SPIDR: variants seen among roughly 807,000 people sequenced by gnomAD.
SPIDR encodes scaffold protein involved in DNA repair.
SPIDR carries 93 observed loss-of-function variants against 104.6 expected under a neutral mutation model. The ratio of observed to expected loss-of-function variants is 0.89; its 90% CI spans 0.75 to 1.06. The LOEUF is 1.06. Ranked by LOEUF, SPIDR falls within the 50% of genes least tolerant of loss-of-function variation. SPIDR has a pLI of 0.00. For missense variants in SPIDR, 1,154 were observed against 1,111.2 expected (o/e 1.04, Z -0.55); for synonymous variants, 431 against 416.9 (o/e 1.03, Z -0.41).
intron 10 of SPIDR, among the ~76,000 whole-genome samples, chr8:47,613,285 A>G (rs889679872): frequency 6.6e-6 from 1 of 152,240 alleles, no homozygotes; most frequent in African/African-American, 2.4e-5. Context: ...TAAACTTAGG[A>G]TAATGTTTTC....
At chr8:47,543,284 C>T (rs1427885527) in intron 8 of SPIDR, among the ~76,000 whole-genome samples, 4 of 152,128 alleles carry the variant, frequency 2.6e-5, no homozygotes, top group Non-Finnish European at 5.9e-5. Flanking sequence ...TACATTGCCA[C>T]GAGTAATGTG....
At chr8:47,511,929 C>G (rs1564190176) in intron 8 of SPIDR, 2 of 793,194 alleles carry the variant, frequency 2.5e-6, no homozygotes, top group Non-Finnish European at 4.6e-6. Flanking sequence ...TAAAGGATGT[C>G]ACTCTATTAT....
chr8:47,617,771 A>G (rs1005120448), intron 10 of SPIDR, among the ~76,000 whole-genome samples: 1 of 152,192 alleles, frequency 6.6e-6, no homozygotes, highest in Non-Finnish European at 1.5e-5. Flanking sequence ...CACCTCCATA[A>G]TAAGTTTTGT....
chr8:47,403,260 CA>C (rs781881236), intron 6 of SPIDR, among the ~76,000 whole-genome samples: 8 of 152,132 alleles, frequency 5.3e-5, no homozygotes, highest in Non-Finnish European at 1.2e-4. Flanking sequence ...ACTGAATGAG[CA>C]AAAACTGGAA....
chr8:47,360,335 T>C (rs2055596888), intron 5 of SPIDR, among the ~76,000 whole-genome samples: 1 of 150,464 alleles, frequency 6.6e-6, no homozygotes, highest in Admixed American at 6.6e-5. Context: ...GTCTAATTGC[T>C]GTGTGGTTAG....
chr8:47,401,293 G>C (rs1554662575), intron 6 of SPIDR, among the ~76,000 whole-genome samples: 1 of 152,158 alleles, frequency 6.6e-6, no homozygotes, highest in Admixed American at 6.5e-5. Flanking sequence ...GAGAGATTTT[G>C]TCACCACCAG....
At chr8:47,325,006 A>G (rs150757508) in intron 5 of SPIDR, among the ~76,000 whole-genome samples, 141 of 152,186 alleles carry the variant, frequency 9.3e-4, no homozygotes, top group African/African-American at 3.3e-3. Flanking sequence ...TGTCAGTCAG[A>G]TTGGATTAGG....
intron 8 of SPIDR, among the ~76,000 whole-genome samples, chr8:47,444,654 TC>T (rs782685765): frequency 3.3e-5 from 5 of 152,234 alleles, no homozygotes; most frequent in Non-Finnish European, 7.3e-5. Context: ...TCATTATACC[TC>T]CCTTCTGATT....
intron 8 of SPIDR, among the ~76,000 whole-genome samples, chr8:47,470,087 G>A (rs1389074442): frequency 6.6e-6 from 1 of 152,040 alleles, no homozygotes; most frequent in African/African-American, 2.4e-5. Flanking sequence ...CAGACCTCAA[G>A]TAGCCAAAAA....
chr8:47,481,201 G>A (rs1409445295), intron 8 of SPIDR, among the ~76,000 whole-genome samples: 7 of 152,226 alleles, frequency 4.6e-5, no homozygotes, highest in Admixed American at 2.0e-4. Flanking sequence ...GCTATAAGGT[G>A]TAATGGTCTT....
At chr8:47,609,035 T>G (rs1343666216) in intron 10 of SPIDR, among the ~76,000 whole-genome samples, 1 of 152,234 alleles carries the variant, frequency 6.6e-6, no homozygotes, top group Non-Finnish European at 1.5e-5. Flanking sequence ...CTGAGCATCT[T>G]TTCATAGGCT....
intron 8 of SPIDR, among the ~76,000 whole-genome samples, chr8:47,483,236 T>G (rs1312021701): frequency 1.3e-5 from 2 of 152,224 alleles, no homozygotes; most frequent in African/African-American, 2.4e-5. Flanking sequence ...TCTTTTATCT[T>G]GGGATAATTA....
rs1211040390 is a variant in SPIDR, at chr8:47,557,421, G to T, written c.1098-38390G>T. 2.0e-5 allele frequency among the ~76,000 whole-genome samples: 3 copies of T among 152,310 alleles called. No homozygotes were observed. The East Asian group carries it at 5.8e-4, about 29-fold the overall frequency. On this transcript the variant is annotated intron_variant, in intron 8 of 19. Coordinates refer to ENST00000297423, the MANE Select transcript of SPIDR (RefSeq NM_001080394.4). ...TGAACTGATAACAAGAAGGGCAGTTGCAGGGAGATTATGAGCGTCATATGG... is the reference window on the plus strand; with the variant it reads ...TGAACTGATAACAAGAAGGGCAGTTTCAGGGAGATTATGAGCGTCATATGG...
intron 10 of SPIDR, among the ~76,000 whole-genome samples, chr8:47,621,244 C>T (rs2065126935): frequency 6.6e-6 from 1 of 152,208 alleles, no homozygotes; most frequent in Non-Finnish European, 1.5e-5. Context: ...CGTGAGCCAC[C>T]ACGCCCGGCC....
intron 1 of SPIDR, 97 bp from the exon 2 acceptor site, chr8:47,279,765 T>C: frequency 3.2e-6 from 4 of 1,259,162 alleles, no homozygotes; most frequent in Non-Finnish European, 4.4e-6. Context: ...ATGCCACTTC[T>C]AGGTTTTCAG....
At chr8:47,299,047 T>C (rs1302556445) in intron 5 of SPIDR, among the ~76,000 whole-genome samples, 1 of 152,192 alleles carries the variant, frequency 6.6e-6, no homozygotes, top group Non-Finnish European at 1.5e-5. Flanking sequence ...CCTTGGGCAG[T>C]GTGGCCATTT....
intron 8 of SPIDR, among the ~76,000 whole-genome samples, chr8:47,506,081 TC>T (rs2081432146): frequency 6.6e-6 from 1 of 152,190 alleles, no homozygotes; most frequent in Non-Finnish European, 1.5e-5. Context: ...GTATAGTACC[TC>T]CTTTGTTTCT....
At chr8:47,299,033 A>G (rs1204775174) in intron 5 of SPIDR, among the ~76,000 whole-genome samples, 1 of 152,144 alleles carries the variant, frequency 6.6e-6, no homozygotes, top group African/African-American at 2.4e-5. Flanking sequence ...GAATCTATAA[A>G]TTACCTTGGG....
intron 16 of SPIDR, among the ~76,000 whole-genome samples, chr8:47,726,678 G>C (rs754961913): frequency 3.9e-5 from 6 of 152,210 alleles, no homozygotes; most frequent in Non-Finnish European, 7.3e-5. Flanking sequence ...GCCCAGAGGT[G>C]TCTTTGACAC....
Sources: gnomAD v4.1 joint callset for allele counts (sites outside exome capture counted in the v4.1 genomes callset) on GRCh38, gnomAD v4.1.1 for gene constraint, MANE v1.5 for transcripts, NCBI Gene and HGNC (gene_info 2026-07-23, HGNC 2026-07-21) for gene names.